Variants in TPST1 observed in about 807,000 individuals in gnomAD.
The protein encoded by TPST1 is protein-tyrosine sulfotransferase 1.
In TPST1, 20 loss-of-function variants were observed where a neutral mutation model predicts 34.8. The observed-to-expected ratio is 0.57, with a 90% CI of 0.40 to 0.84. TPST1 has a LOEUF of 0.84. Ranked by LOEUF, TPST1 falls within the 40% of genes least tolerant of loss-of-function variation. The pLI is 0.00. For synonymous variants in TPST1, 152 were observed against 159.4 expected (o/e 0.95, Z 0.35); for missense variants, 353 against 455.5 (o/e 0.78, Z 2.05).
In TPST1 at chr7:66,274,030, T is replaced by A. The variant is rs370606835; in HGVS notation, c.846-12481T>A. 2.2e-3 allele frequency among the ~76,000 whole-genome samples: 309 copies of A among 141,988 alleles called. 4 individuals are homozygous for A. Among genetic ancestry groups the A allele is most frequent in the East Asian group, 0.019 (77 of 4,108 alleles). The allele number at this position is 141,988 out of a possible 152,430, so 93.1% of individuals were successfully genotyped here. On this transcript the variant is annotated intron_variant, in intron 2 of 5. Transcript: ENST00000304842. ...TTTTTTTTCTTTGGTAGAGACGGGG[T>A]TTCACCATGTTGGCCAGGCTGGTCT...
At chr7:66,277,632 C>T (rs1584200698) in intron 2 of TPST1, among the ~76,000 whole-genome samples, 1 of 152,184 alleles carries the variant, frequency 6.6e-6, no homozygotes, top group Non-Finnish European at 1.5e-5. Context: ...TAAATCTATA[C>T]AAATCAGGAA....
chr7:66,316,348 G>C (rs757408905), intron 3 of TPST1, among the ~76,000 whole-genome samples: 1 of 152,054 alleles, frequency 6.6e-6, no homozygotes, highest in Non-Finnish European at 1.5e-5. Context: ...GATCTAAGAC[G>C]GGTCAGTTTT....
chr7:66,225,761 A>G (rs1414535440), intron 1 of TPST1, among the ~76,000 whole-genome samples: 1 of 152,254 alleles, frequency 6.6e-6, no homozygotes, highest in Non-Finnish European at 1.5e-5. Flanking sequence ...TTCTTAAATC[A>G]AAGGACTACC....
chr7:66,356,481 A>G (rs1179774200), intron 4 of TPST1, among the ~76,000 whole-genome samples: 1 of 152,204 alleles, frequency 6.6e-6, no homozygotes, highest in Non-Finnish European at 1.5e-5. Context: ...CCCTCCCCAG[A>G]GTTGACGTGG....
intron 1 of TPST1, among the ~76,000 whole-genome samples, chr7:66,215,836 G>A (rs961934188): frequency 1.4e-5 from 2 of 139,118 alleles, no homozygotes; most frequent in Non-Finnish European, 3.0e-5. Flanking sequence ...GCAGTGGCAC[G>A]ATCTCGGCTC....
intron 2 of TPST1, among the ~76,000 whole-genome samples, chr7:66,247,291 G>C (rs1790168362): frequency 6.6e-6 from 1 of 152,158 alleles, no homozygotes; most frequent in African/African-American, 2.4e-5. Flanking sequence ...AGCCAGGGGT[G>C]GTGGCCCATG....
chr7:66,199,225 C>T, the TPST1 span, among the ~76,000 whole-genome samples: 130 of 152,164 alleles, frequency 8.5e-4, no homozygotes, highest in Non-Finnish European at 1.6e-3. Context: ...CCTGTCCATC[C>T]GTCCATCCAA....
At chr7:66,299,299 G>GTTTTT in intron 3 of TPST1, among the ~76,000 whole-genome samples, 1 of 124,300 alleles carries the variant, frequency 8.0e-6, no homozygotes, top group Non-Finnish European at 1.6e-5. Context: ...ATGCTCTTAG[G>GTTTTT]TTTTTTTTTT....
Position 66,274,272 on chromosome 7 carries a change from G to A in TPST1, c.846-12239G>A, listed in dbSNP as rs13221700. Among the ~76,000 whole-genome samples the A allele has an allele frequency of 4.3e-4, 65 of 151,990 alleles. 1 individual carries two copies. The highest frequency in any genetic ancestry group is 8.8e-4 in the Non-Finnish European group (60 of 67,976). On this transcript the variant is annotated intron_variant, in intron 2 of 5. Transcript: ENST00000304842. The stretch of plus-strand genomic sequence containing the variant: ...AATCCCAGCTACTCAGGCTGAGGCA[G>A]GAGAATGGCGTGAACCCGGGAGGTG...
chr7:66,234,637 A>C (rs553158559), intron 1 of TPST1, among the ~76,000 whole-genome samples: 1 of 152,096 alleles, frequency 6.6e-6, no homozygotes, highest in Non-Finnish European at 1.5e-5. Flanking sequence ...CCTTACATCT[A>C]TAGTGTCTGT....
intron 2 of TPST1, among the ~76,000 whole-genome samples, chr7:66,274,075 G>T (rs114219462): frequency 6.8e-6 from 1 of 147,796 alleles, no homozygotes; most frequent in African/African-American, 2.5e-5. Flanking sequence ...GACCTTAAGA[G>T]ACCCACCTTC....
chr7:66,286,631 C>G lies in TPST1; in HGVS notation c.966C>G (p.Ala322=), dbSNP rs766204869. 4.3e-5 allele frequency: 69 copies of G among 1,609,312 alleles called. No individual in the cohort carries two copies. In the South Asian group the frequency reaches 7.2e-4, roughly 17 times the overall value. The change falls in exon 3 of 6, where the codon GCC becomes GCG. Residue 322 remains alanine, a synonymous_variant. Transcript: ENST00000304842. ...QDMAVIAPML[A]KLGYDPYANP... is the part of the protein sequence containing the mutation. Reference sequence around the variant, plus strand: ...TGGCAGTGATTGCTCCTATGCTTGCCAAGCTTGGATATGACCCATATGCCA... The same window carrying G: ...TGGCAGTGATTGCTCCTATGCTTGCGAAGCTTGGATATGACCCATATGCCA...
At chr7:66,257,888 G>A (rs551963158) in intron 2 of TPST1, among the ~76,000 whole-genome samples, 41 of 152,240 alleles carry the variant, frequency 2.7e-4, no homozygotes, top group African/African-American at 8.2e-4. Flanking sequence ...CACCACAAAG[G>A]TTGTATTTTG....
intron 3 of TPST1, among the ~76,000 whole-genome samples, chr7:66,318,206 A>G (rs1791674240): frequency 6.6e-6 from 1 of 152,038 alleles, no homozygotes; most frequent in African/African-American, 2.4e-5. Flanking sequence ...ACTCTACTTG[A>G]TAAAGTTATT....
chr7:66,295,459 C>A (rs1791173818), intron 3 of TPST1, among the ~76,000 whole-genome samples: 1 of 152,122 alleles, frequency 6.6e-6, no homozygotes, highest in Non-Finnish European at 1.5e-5. Context: ...TGTGCCACTG[C>A]ACTCCAGCCT....
At chr7:66,338,249 A>T (rs1792162778) in intron 3 of TPST1, among the ~76,000 whole-genome samples, 2 of 152,216 alleles carry the variant, frequency 1.3e-5, no homozygotes, top group South Asian at 4.1e-4. Context: ...AGGCCATTAT[A>T]TAACGACAAA....
intron 4 of TPST1, among the ~76,000 whole-genome samples, chr7:66,354,727 C>T (rs1792549573): frequency 6.6e-6 from 1 of 150,654 alleles, no homozygotes; most frequent in African/African-American, 2.4e-5. Context: ...AAGAGCCAGG[C>T]ATGAGGCTCA....
At chr7:66,284,545 T>C (rs1404368239) in intron 2 of TPST1, among the ~76,000 whole-genome samples, 1 of 141,122 alleles carries the variant, frequency 7.1e-6, no homozygotes, top group Non-Finnish European at 1.5e-5. Flanking sequence ...TTGGCCACTG[T>C]CTTAGCTTTT....
upstream of TPST1, among the ~76,000 whole-genome samples, chr7:66,200,889 G>C (rs1486154753): frequency 6.6e-6 from 1 of 152,012 alleles, no homozygotes; most frequent in Admixed American, 6.6e-5. Context: ...CACCACACCT[G>C]GCTAATTTTT....
Sources: allele counts gnomAD v4.1 joint callset (sites outside exome capture counted in the v4.1 genomes callset), GRCh38; gene constraint gnomAD v4.1.1; transcripts MANE v1.5; gene names NCBI Gene and HGNC (gene_info 2026-07-23, HGNC 2026-07-21).